The following PCNP variants were observed in gnomAD, a reference collection of about 807,000 sequenced individuals.
The protein encoded by PCNP is PEST proteolytic signal containing nuclear protein, also known as PEST proteolytic signal-containing nuclear protein.
PCNP carries 6 observed loss-of-function variants against 21.8 expected under a neutral mutation model. The observed-to-expected ratio is 0.28, with a 90% confidence interval of 0.15 to 0.54. The LOEUF (loss-of-function observed/expected upper bound fraction) is 0.54. Among genes scored for constraint, PCNP ranks in the 20% least tolerant of loss-of-function variants. The probability of loss-of-function intolerance (pLI) is 0.95; values close to 1 mark genes in which losing one functional copy is unlikely to be tolerated. For synonymous variants in PCNP, 67 were observed against 73.2 expected (o/e 0.92, Z 0.43); for missense variants, 161 against 215.5 (o/e 0.75, Z 1.58).
At position 101,587,836 on chromosome 3, in the gene PCNP, C is replaced by T. The variant is rs149403960; in HGVS notation, c.354+2325C>T. Among the ~76,000 whole-genome samples, 771 of 152,198 alleles carry T rather than the reference C, an allele frequency of 5.1e-3. 29 individuals carry two copies. The highest frequency in any genetic ancestry group is 0.042 in the Admixed American group (644 of 15,258). ...AGAACGATACAGGATGCAGGGAATA[C>T]GTGCAAAAGTGCAGAGGTTGGAAAT... On this transcript the variant is annotated intron_variant, in intron 3 of 4. Transcript: ENST00000265260.
At chr3:101,586,571 T>TGTGTGTGTGTGTGTGTGTGAGAGAGA in intron 3 of PCNP, among the ~76,000 whole-genome samples, 80 of 114,190 alleles carry the variant, frequency 7.0e-4, no homozygotes, top group African/African-American at 2.3e-3. Context: ...TGTGTGTGTG[T>TGTGTGTGTGTGTGTGTGTGAGAGAGA]GAGAGAGAGA....
intron 3 of PCNP, among the ~76,000 whole-genome samples, chr3:101,589,329 A>T (rs952694594): frequency 6.6e-6 from 1 of 152,222 alleles, no homozygotes; most frequent in African/African-American, 2.4e-5. Context: ...CAGCATTTAT[A>T]CATAAAAACT....
chr3:101,586,568 G>GAGAGAGAGAGAGAGAGTTTCT, intron 3 of PCNP, among the ~76,000 whole-genome samples: 1 of 77,554 alleles, frequency 1.3e-5, no homozygotes, highest in South Asian at 5.4e-4. Flanking sequence ...GTGTGTGTGT[G>GAGAGAGAGAGAGAGAGTTTCT]TGTGAGAGAG....
At chr3:101,587,651 C>T (rs2108288478) in intron 3 of PCNP, among the ~76,000 whole-genome samples, 1 of 150,968 alleles carries the variant, frequency 6.6e-6, no homozygotes, top group South Asian at 2.1e-4. Flanking sequence ...GATGCAGCAG[C>T]ATGTAAAAGA....
At position 101,590,194 on chromosome 3, in the gene PCNP, TTTAC is replaced by T. The variant is rs1935733333; in HGVS notation, c.355-14_355-11del. On this transcript the variant is annotated splice_polypyrimidine_tract_variant and intron_variant, in intron 3 of 4. Transcript: ENST00000265260. The stretch of plus-strand genomic sequence containing the variant: ...ATAAGTTTGTATGCAGTTATCTTGG[TTTAC>T]TTACTTTTTTCTTTAGAGTGAACCA... 7.0e-6 allele frequency: 10 copies of T among 1,426,952 alleles called. No individual in the cohort carries two copies. The highest frequency in any genetic ancestry group is 9.9e-6 in the Non-Finnish European group (10 of 1,013,598). The allele number at this position is 1,426,952 out of a possible 1,614,324, so 88.4% of individuals were successfully genotyped here. A position where few individuals can be genotyped will look rare whatever the true frequency, so the allele number is the denominator to read the frequency against.
chr3:101,593,576 T>C lies in PCNP; in HGVS notation c.*823T>C, dbSNP rs1935919854. On this transcript the variant is annotated 3_prime_UTR_variant, in exon 5 of 5. Transcript: ENST00000265260. ...CACAAACCACCACCAAAAATTTAAA[T>C]GTACATATTGCTTAAGTATTTGGCT... 1 of 152,552 alleles carries C rather than the reference T, an allele frequency of 6.6e-6. No homozygotes were observed. Among genetic ancestry groups the C allele is most frequent in the Non-Finnish European group, 1.5e-5 (1 of 67,996 alleles). The allele number at this position is 152,552 out of a possible 1,614,324, so 9.4% of individuals were successfully genotyped here.
rs973174682 is a variant in PCNP at position 101,592,615 on chromosome 3, C to A, written c.411-12C>A. 6.3e-7 allele frequency: 1 copy of A among 1,578,314 alleles called. No homozygotes were observed. Among genetic ancestry groups the A allele is most frequent in the Non-Finnish European group, 8.6e-7 (1 of 1,167,138 alleles). On this transcript the variant is annotated splice_polypyrimidine_tract_variant and intron_variant, in intron 4 of 4. Transcript: ENST00000265260. ...ATAACATTTTAAATAAATTTTCTTT[C>A]TTTTAACACAGGGATACACCAACAT... is the stretch of plus-strand genomic sequence containing the variant.
At chr3:101,587,895 T>A (rs1935615624) in intron 3 of PCNP, among the ~76,000 whole-genome samples, 1 of 152,204 alleles carries the variant, frequency 6.6e-6, no homozygotes, top group Non-Finnish European at 1.5e-5. Context: ...TGGCTTACTT[T>A]GAATGCCTAA....
At chr3:101,591,084 T>TA (rs1487924265) in intron 4 of PCNP, among the ~76,000 whole-genome samples, 1 of 152,204 alleles carries the variant, frequency 6.6e-6, no homozygotes, top group Non-Finnish European at 1.5e-5. Context: ...CCACTTCACT[T>TA]ACGATATAAT....
Position 101,576,328 on chromosome 3 carries a change from C to T in PCNP, c.64+2049C>T, listed in dbSNP as rs890564365. ...GGGCGCACTGCAAACTCCGTCTCCC[C>T]GATTCAAGTGATTTTCCTGCCTCAG... is the stretch of plus-strand genomic sequence containing the variant. On this transcript the variant is annotated intron_variant, in intron 1 of 4. Coordinates refer to ENST00000265260, the MANE Select transcript of PCNP (RefSeq NM_020357.3). 3.3e-5 allele frequency among the ~76,000 whole-genome samples: 5 copies of T among 151,570 alleles called. No homozygotes were observed. The East Asian group carries it at 5.8e-4, about 18-fold the overall frequency.
chr3:101,576,648 G>A, intron 1 of PCNP: 1 of 1,611,736 alleles, frequency 6.2e-7, no homozygotes, highest in Non-Finnish European at 8.5e-7. Context: ...CCAGACCATT[G>A]GCTAGGACCT....
intron 1 of PCNP, 123 bp downstream of exon 1, chr3:101,574,402 T>C: frequency 7.9e-7 from 1 of 1,265,884 alleles, no homozygotes; most frequent in Non-Finnish European, 1.1e-6. Context: ...GGCCAGGTGT[T>C]GGGCCCAGAC....
At chr3:101,575,655 A>T (rs954933992) in intron 1 of PCNP, among the ~76,000 whole-genome samples, 3 of 152,200 alleles carry the variant, frequency 2.0e-5, no homozygotes, top group Admixed American at 6.5e-5. Context: ...TTTTAGACGT[A>T]GTTTGAGGAA....
rs770520264 is a variant in PCNP at position 101,593,646 on chromosome 3, A to G, written c.*893A>G. The G allele has an allele frequency of 7.9e-5, 12 of 152,618 alleles. No homozygotes were observed. Among genetic ancestry groups the G allele is most frequent in the East Asian group, 5.8e-4 (3 of 5,200 alleles). The allele number at this position is 152,618 out of a possible 1,614,324, so 9.5% of individuals were successfully genotyped here. ...TATAAACACCAAAAAAAAAATTAAC[A>G]TTGTATGAAGATGGAAAATAAGAAG... On this transcript the variant is annotated 3_prime_UTR_variant, in exon 5 of 5. Coordinates refer to ENST00000265260, the MANE Select transcript of PCNP (RefSeq NM_020357.3).
At chr3:101,581,880 A>G (rs1935243339) in intron 2 of PCNP, among the ~76,000 whole-genome samples, 1 of 151,562 alleles carries the variant, frequency 6.6e-6, no homozygotes, top group African/African-American at 2.4e-5. Context: ...AGCTGGGGTT[A>G]CAGGCATGCA....
chr3:101,583,631 G>T (rs1306687546), intron 2 of PCNP, among the ~76,000 whole-genome samples: 2 of 133,294 alleles, frequency 1.5e-5, no homozygotes, highest in Non-Finnish European at 3.4e-5. Context: ...AGAAAGAAAG[G>T]TCAGGAGATT....
intron 2 of PCNP, among the ~76,000 whole-genome samples, chr3:101,581,052 T>C (rs1316839823): frequency 6.6e-6 from 1 of 152,262 alleles, no homozygotes; most frequent in African/African-American, 2.4e-5. Flanking sequence ...GAGCAGTCAG[T>C]ATATTTGGGC....
At chr3:101,584,947 T>A (rs1325074096) in intron 2 of PCNP, among the ~76,000 whole-genome samples, 1 of 152,196 alleles carries the variant, frequency 6.6e-6, no homozygotes, top group Non-Finnish European at 1.5e-5. Flanking sequence ...TAGGCTGCAA[T>A]GAGCCAAGAT....
chr3:101,581,114 C>T (rs1935198744), intron 2 of PCNP, among the ~76,000 whole-genome samples: 1 of 152,174 alleles, frequency 6.6e-6, no homozygotes, highest in African/African-American at 2.4e-5. Context: ...CCTCACTCTG[C>T]TCTGTTTGCC....
Sources: allele counts gnomAD v4.1 joint callset (sites outside exome capture counted in the v4.1 genomes callset), GRCh38; gene constraint gnomAD v4.1.1; transcripts MANE v1.5; gene names NCBI Gene and HGNC (gene_info 2026-07-23, HGNC 2026-07-21).